Variants in RASGRF1 observed in about 807,000 individuals in gnomAD.
The protein encoded by RASGRF1 is Ras protein specific guanine nucleotide releasing factor 1.
A neutral mutation model predicts 138.7 loss-of-function variants in RASGRF1; 40 were observed. That is an observed-to-expected ratio of 0.29 (90% confidence interval 0.22 to 0.38). The LOEUF (loss-of-function observed/expected upper bound fraction) is 0.38. Ranked by LOEUF, RASGRF1 falls within the 10% of genes least tolerant of loss-of-function variation. RASGRF1 has a pLI of 1.00. For missense variants in RASGRF1, 1,108 were observed against 1,650.4 expected (o/e 0.67, Z 5.69); for synonymous variants, 614 against 663.2 (o/e 0.93, Z 1.14).
chr15:79,021,260 A>C (rs1055010167), intron 10 of RASGRF1, among the ~76,000 whole-genome samples: 1 of 152,266 alleles, frequency 6.6e-6, no homozygotes, highest in Non-Finnish European at 1.5e-5. Flanking sequence ...ACACAGCAAC[A>C]GATAAAGTAA....
intron 1 of RASGRF1, among the ~76,000 whole-genome samples, chr15:79,071,127 T>G (rs1428076343): frequency 2.6e-5 from 4 of 152,222 alleles, no homozygotes; most frequent in African/African-American, 9.6e-5. Flanking sequence ...GGCTTGGACA[T>G]GCTTGAGCCT....
intron 8 of RASGRF1, among the ~76,000 whole-genome samples, chr15:79,030,693 C>G (rs2057124242): frequency 6.6e-6 from 1 of 152,240 alleles, no homozygotes; most frequent in South Asian, 2.1e-4. Context: ...CCTGGAATCA[C>G]CCTTGACTCT....
chr15:79,053,978 A>C (rs1391498430), intron 3 of RASGRF1, among the ~76,000 whole-genome samples: 1 of 152,236 alleles, frequency 6.6e-6, no homozygotes, highest in Non-Finnish European at 1.5e-5. Context: ...TGAAAGGAAA[A>C]CTGACTTGTA....
At chr15:79,007,743 C>T (rs368953425) in intron 13 of RASGRF1, among the ~76,000 whole-genome samples, 11 of 151,446 alleles carry the variant, frequency 7.3e-5, no homozygotes, top group South Asian at 4.2e-4. Flanking sequence ...GGTAGAGACA[C>T]GGTTTCACCA....
In RASGRF1 at chr15:79,087,166, G is replaced by A. The variant is rs144272413; in HGVS notation, c.276+3057C>T. Reference sequence around the variant, plus strand: ...TGGGCTTGGTGTTTGGTGCCAGAGCGCCTTGCATATCCCGCTATTAGAGCA... The same window carrying A: ...TGGGCTTGGTGTTTGGTGCCAGAGCACCTTGCATATCCCGCTATTAGAGCA... On this transcript the variant is annotated intron_variant, in intron 1 of 26. Coordinates refer to ENST00000558480, the MANE Select transcript of RASGRF1 (RefSeq NM_001145648.3). 6.9e-4 allele frequency among the ~76,000 whole-genome samples: 105 copies of A among 152,328 alleles called. 1 individual carries two copies. The highest frequency in any genetic ancestry group is 2.2e-3 in the African/African-American group (92 of 41,576).
At chr15:79,084,086 T>C (rs1429308904) in intron 1 of RASGRF1, among the ~76,000 whole-genome samples, 1 of 152,196 alleles carries the variant, frequency 6.6e-6, no homozygotes, top group Non-Finnish European at 1.5e-5. Context: ...AAACCTAACA[T>C]ATAAAACAGT....
At chr15:78,964,277 C>G (rs1019058824) in intron 26 of RASGRF1, among the ~76,000 whole-genome samples, 2 of 151,940 alleles carry the variant, frequency 1.3e-5, no homozygotes, top group African/African-American at 4.8e-5. Flanking sequence ...CGAGTTCAAG[C>G]GATTCTTCTG....
At chr15:78,996,079 G>A (rs888826749) in intron 19 of RASGRF1, among the ~76,000 whole-genome samples, 4 of 152,218 alleles carry the variant, frequency 2.6e-5, no homozygotes, top group African/African-American at 7.2e-5. Flanking sequence ...GGGAGCCCTT[G>A]AGGGAGGGAC....
intron 1 of RASGRF1, among the ~76,000 whole-genome samples, chr15:79,088,591 T>A (rs1448673521): frequency 2.6e-5 from 4 of 152,024 alleles, no homozygotes; most frequent in Non-Finnish European, 5.9e-5. Context: ...ACCCCTCACT[T>A]CCTGCCTACC....
chr15:79,023,384 G>A (rs1231333018), intron 10 of RASGRF1, among the ~76,000 whole-genome samples: 2 of 152,228 alleles, frequency 1.3e-5, no homozygotes, highest in Admixed American at 6.5e-5. Context: ...TAGAGGAAGT[G>A]TGGACAGGGG....
chr15:78,979,530 T>G (rs2055971886), intron 24 of RASGRF1, among the ~76,000 whole-genome samples: 1 of 152,096 alleles, frequency 6.6e-6, no homozygotes. Flanking sequence ...GAGTAGCCAG[T>G]CAGGCGAGGA....
Position 79,052,222 on chromosome 15 carries a change from A to G in RASGRF1, c.532-2634T>C, listed in dbSNP as rs115828459. Among the ~76,000 whole-genome samples, 516 of 152,174 alleles carry G rather than the reference A, an allele frequency of 3.4e-3. 2 individuals are homozygous for G. The highest frequency in any genetic ancestry group is 0.012 in the African/African-American group (491 of 41,524). Reference sequence around the variant, plus strand: ...CTACACCTGCTTTGGGCACGGTGCAATGGCTCCTGCTCCACCCTACTCCCC... The same window carrying G: ...CTACACCTGCTTTGGGCACGGTGCAGTGGCTCCTGCTCCACCCTACTCCCC... On this transcript the variant is annotated intron_variant, in intron 3 of 26. Coordinates refer to ENST00000558480, the MANE Select transcript of RASGRF1 (RefSeq NM_001145648.3).
At chr15:79,084,671 G>A (rs1275074772) in intron 1 of RASGRF1, among the ~76,000 whole-genome samples, 1 of 152,180 alleles carries the variant, frequency 6.6e-6, no homozygotes, top group African/African-American at 2.4e-5. Flanking sequence ...CTAGAGGGTG[G>A]GGGCATTAAA....
rs566739439 is a variant in RASGRF1 at position 78,961,405 on chromosome 15, T to C, written c.*739A>G. The C allele has an allele frequency of 6.6e-6, 1 of 152,304 alleles. No individual in the cohort carries two copies. Among genetic ancestry groups the C allele is most frequent in the African/African-American group, 2.4e-5 (1 of 41,564 alleles). The allele number at this position is 152,304 out of a possible 1,614,324, so 9.4% of individuals were successfully genotyped here. Reference sequence around the variant, plus strand: ...GGCCAGTGGTCGGCAAGAGTCGACGTGGCTTGGTGTTTGTGACTCCATTTC... The same window carrying C: ...GGCCAGTGGTCGGCAAGAGTCGACGCGGCTTGGTGTTTGTGACTCCATTTC... On this transcript the variant is annotated 3_prime_UTR_variant, in exon 27 of 27. Transcript: ENST00000558480.
intron 5 of RASGRF1, among the ~76,000 whole-genome samples, chr15:79,041,538 G>A (rs528297477): frequency 6.6e-6 from 1 of 152,228 alleles, no homozygotes; most frequent in Non-Finnish European, 1.5e-5. Context: ...GGATGTGGGG[G>A]TGGTCAGGGA....
At chr15:79,022,670 G>A (rs969083127) in intron 10 of RASGRF1, among the ~76,000 whole-genome samples, 8 of 152,066 alleles carry the variant, frequency 5.3e-5, no homozygotes, top group Admixed American at 3.3e-4. Flanking sequence ...TAATGAAAGC[G>A]TTCCTTGACA....
chr15:79,000,022 T>A (rs1395229912), intron 16 of RASGRF1, 109 bp from the exon 17 acceptor site: 11 of 1,196,590 alleles, frequency 9.2e-6, no homozygotes, highest in Non-Finnish European at 1.3e-5. Context: ...CAGCAGGCTG[T>A]GTCTTCAGGG....
chr15:79,028,509 G>A lies in RASGRF1; in HGVS notation c.1263-650C>T, dbSNP rs540562661. 2.6e-4 allele frequency among the ~76,000 whole-genome samples: 40 copies of A among 152,060 alleles called. 1 individual carries two copies. In the South Asian group the frequency reaches 7.3e-3, roughly 28 times the overall value. On this transcript the variant is annotated intron_variant, in intron 8 of 26. Transcript: ENST00000558480. Reference sequence around the variant, plus strand: ...GGAATATAGACAACTCCCCTATTTCGCTCTCCGACTGCTGTAATACCCCTC... The same window carrying A: ...GGAATATAGACAACTCCCCTATTTCACTCTCCGACTGCTGTAATACCCCTC...
intron 2 of RASGRF1, among the ~76,000 whole-genome samples, chr15:79,059,626 C>T (rs564307289): frequency 8.5e-5 from 13 of 152,278 alleles, no homozygotes; most frequent in African/African-American, 3.1e-4. Flanking sequence ...AGCCCCTGAC[C>T]ATGCATTTGT....
Sources: allele counts gnomAD v4.1 joint callset (sites outside exome capture counted in the v4.1 genomes callset), GRCh38; gene constraint gnomAD v4.1.1; transcripts MANE v1.5; gene names NCBI Gene and HGNC (gene_info 2026-07-23, HGNC 2026-07-21).